Variants in MRPL38 observed in about 807,000 individuals in gnomAD.
MRPL38 encodes large ribosomal subunit protein mL38.
MRPL38 carries 51 observed loss-of-function variants against 52.1 expected under a neutral mutation model. That is an observed-to-expected ratio of 0.98 (90% CI 0.78 to 1.24). The LOEUF is 1.24. Among genes scored for constraint, MRPL38 ranks in the 50% most tolerant of loss-of-function variants. MRPL38 has a pLI of 0.00. For synonymous variants in MRPL38, 245 were observed against 212.7 expected, an observed-to-expected ratio of 1.15 and a Z score of -1.32; for missense variants, 527 against 518.6, an observed-to-expected ratio of 1.02 and a Z score of -0.16.
At chr17:75,904,750 GCC>G in intron 1 of MRPL38, 31 bp from the exon 2 acceptor site, 1 of 1,312,724 alleles carries the variant, frequency 7.6e-7, no homozygotes, top group Non-Finnish European at 1.0e-6. Flanking sequence ...TAAGGCCGGC[GCC>G]CCACAGCTCG....
In MRPL38 at chr17:75,898,963, A is replaced by T; in HGVS notation, c.1030T>A (p.Phe344Ile). Reference sequence around the variant, plus strand: ...GGGTGGTAAGGGGGCGGCCGCACGAACTCAAACACCGGCTCCCGCATGTCT... The same window carrying T: ...GGGTGGTAAGGGGGCGGCCGCACGATCTCAAACACCGGCTCCCGCATGTCT... ...LLDMREPVFE[F>I]VRPPPYHPKQ... The change falls in exon 9 of 9, where the codon TTC becomes ATC. Residue 344 changes from phenylalanine to isoleucine, a missense_variant. Physicochemically the swap from Phe to Ile is conservative, Grantham distance 21. Transcript: ENST00000309352. 1 of 1,603,084 alleles carries T rather than the reference A, an allele frequency of 6.2e-7. No individual in the cohort carries two copies. The highest frequency in any genetic ancestry group is 1.1e-5 in the South Asian group (1 of 90,626).
chr17:75,903,287 T>C (rs2065413147), intron 2 of MRPL38, among the ~76,000 whole-genome samples: 1 of 152,208 alleles, frequency 6.6e-6, no homozygotes, highest in Admixed American at 6.5e-5. Context: ...CGCATGCCTG[T>C]AGTGTCAGCT....
rs1346248929 is a variant in MRPL38, at chr17:75,901,104, G to A, written c.665-77C>T. 8 of 1,592,296 alleles carry A rather than the reference G, an allele frequency of 5.0e-6. No individual in the cohort carries two copies. Among genetic ancestry groups the A allele is most frequent in the Middle Eastern group, 1.7e-4 (1 of 6,054 alleles). On this transcript the variant is annotated intron_variant, in intron 5 of 8. Transcript: ENST00000309352. This position sits in a 1 kb window ranked among gnomAD's most constrained non-coding sequence, Gnocchi z 5.7. ...ACCCCCTCCCTTGTTAGGAGCCAGC[G>A]CTGGAGATCTCCACCTGGCCCCTCC... is the stretch of plus-strand genomic sequence containing the variant.
At chr17:75,903,002 A>G (rs2065411850) in intron 2 of MRPL38, among the ~76,000 whole-genome samples, 1 of 152,182 alleles carries the variant, frequency 6.6e-6, no homozygotes, top group Non-Finnish European at 1.5e-5. Flanking sequence ...GGGAAACTGA[A>G]GTCAATGGTC....
In MRPL38 at chr17:75,901,264, C is replaced by T. The variant is rs748829088; in HGVS notation, c.601G>A (p.Ala201Thr). 1.9e-6 allele frequency: 3 copies of T among 1,613,224 alleles called. No individual in the cohort carries two copies. Among genetic ancestry groups the T allele is most frequent in the Non-Finnish European group, 2.5e-6 (3 of 1,179,738 alleles). ...NEVTPTEAAQ[A>T]PEVTYEAEEG... is the part of the protein sequence containing the mutation. Reference sequence around the variant, plus strand: ...TCTGCCTCATAGGTCACCTCTGGCGCTTGGGCAGCCTGGCAGGGTGAGAAG... The same window carrying T: ...TCTGCCTCATAGGTCACCTCTGGCGTTTGGGCAGCCTGGCAGGGTGAGAAG... The change falls in exon 5 of 9, where the codon GCG becomes ACG. Residue 201 changes from alanine (A) to threonine (T), a missense_variant. By Grantham distance (58) the Ala-to-Thr change is moderately conservative. Transcript: ENST00000309352. The surrounding 1 kb of genome is among the most constrained non-coding windows in gnomAD (Gnocchi z 5.7).
intron 2 of MRPL38, among the ~76,000 whole-genome samples, chr17:75,902,555 G>A (rs562808351): frequency 4.2e-4 from 64 of 152,146 alleles, no homozygotes; most frequent in Non-Finnish European, 7.9e-4. Flanking sequence ...TGAGGGGGCG[G>A]GCACATCTTC....
chr17:75,898,711 C>T lies in MRPL38; in HGVS notation c.*139G>A. The T allele has an allele frequency of 2.0e-6, 2 of 977,792 alleles. No individual in the cohort carries two copies. Among genetic ancestry groups the T allele is most frequent in the Non-Finnish European group, 3.0e-6 (2 of 660,276 alleles). The allele number at this position is 977,792 out of a possible 1,614,324, so 60.6% of individuals were successfully genotyped here. On this transcript the variant is annotated 3_prime_UTR_variant, in exon 9 of 9. Coordinates refer to ENST00000309352, the MANE Select transcript of MRPL38 (RefSeq NM_032478.4). Reference sequence around the variant, plus strand: ...CCTGAGAGTCACTTTCACTCCAAGCCCTGGGCCTGACGGGAGGGGGCCAAA... The same window carrying T: ...CCTGAGAGTCACTTTCACTCCAAGCTCTGGGCCTGACGGGAGGGGGCCAAA...
chr17:75,900,548 TG>T lies in MRPL38; in HGVS notation c.710+433del, dbSNP rs564072175. The T allele has an allele frequency of 5.5e-5, 9 of 164,904 alleles. No individual in the cohort carries two copies. In the East Asian group the frequency reaches 1.6e-3, roughly 30 times the overall value. 10.2% of individuals were successfully genotyped at this position (164,904 alleles called of 1,614,324 possible). On this transcript the variant is annotated intron_variant, in intron 6 of 8. Coordinates refer to ENST00000309352, the MANE Select transcript of MRPL38 (RefSeq NM_032478.4). ...CAGCCTGGGCAACATGGTGAAACCC[TG>T]TCTCTATAAAAAAATACAAAAATTA...
chr17:75,902,258 C>A lies in MRPL38; in HGVS notation c.248-104G>T, dbSNP rs1599473880. The A allele has an allele frequency of 3.1e-6, 4 of 1,273,776 alleles. No individual in the cohort carries two copies. The East Asian group carries it at 1.0e-4, about 33-fold the overall frequency. The allele number at this position is 1,273,776 out of a possible 1,614,324, so 78.9% of individuals were successfully genotyped here. ...AGCTGGGGCTACAAGTGTACACCAT[C>A]TCATCTGGCTAATTTTTGTATTTTT... On this transcript the variant is annotated intron_variant, in intron 2 of 8. Transcript: ENST00000309352.
At chr17:75,900,780 C>T (rs1166945943) in intron 6 of MRPL38, 1 of 1,404,724 alleles carries the variant, frequency 7.1e-7, no homozygotes, top group Non-Finnish European at 9.2e-7. Flanking sequence ...TGACCGAGGC[C>T]TACTGCAAAC....
chr17:75,899,342 G>A, intron 7 of MRPL38, 48 bp from the exon 8 acceptor site: 1 of 1,594,906 alleles, frequency 6.3e-7, no homozygotes, highest in South Asian at 1.1e-5. Flanking sequence ...GGGCACCAGA[G>A]CCCCTCACCC....
chr17:75,902,883 G>C (rs560477002), intron 2 of MRPL38, among the ~76,000 whole-genome samples: 18 of 152,114 alleles, frequency 1.2e-4, no homozygotes, highest in Non-Finnish European at 2.4e-4. Flanking sequence ...CACCATGCCC[G>C]ACTAATTTTT....
Position 75,904,584 on chromosome 17 carries a change from G to C in MRPL38, c.203C>G (p.Pro68Arg). The change falls in exon 2 of 9, where the codon CCG becomes CGG. Residue 68 changes from proline (P) to arginine (R), a missense_variant. Pro to Arg is a moderately radical substitution (Grantham distance 103). Transcript: ENST00000309352. ...CTCTCGGTAGGTCCGCCACCAGTGC[G>C]GGGCCTGCGCCTCCTGCTCTGCTCG... is the stretch of plus-strand genomic sequence containing the variant. ...RRRAEQEAQAPHWWRTYREYF... is the reference protein window; with the variant it reads ...RRRAEQEAQARHWWRTYREYF... 6.3e-7 allele frequency: 1 copy of C among 1,584,474 alleles called. No individual in the cohort carries two copies. Among genetic ancestry groups the C allele is most frequent in the South Asian group, 1.1e-5 (1 of 88,806 alleles).
In MRPL38 at chr17:75,901,470, G is replaced by T; in HGVS notation, c.592-197C>A. On this transcript the variant is annotated intron_variant, in intron 4 of 8. Coordinates refer to ENST00000309352, the MANE Select transcript of MRPL38 (RefSeq NM_032478.4). This position sits in a 1 kb window ranked among gnomAD's most constrained non-coding sequence, Gnocchi z 5.7. ...GCAACAACCACAAAAACGAACATGT[G>T]CCAAGGCCGGGCCAGGAGGGCACAC... The T allele has an allele frequency of 1.5e-6, 1 of 679,974 alleles. No homozygotes were observed. The allele number at this position is 679,974 out of a possible 1,614,324, so 42.1% of individuals were successfully genotyped here. A position where few individuals can be genotyped will look rare whatever the true frequency, so the allele number is the denominator to read the frequency against.
intron 2 of MRPL38, among the ~76,000 whole-genome samples, chr17:75,903,415 C>G (rs1274779256): frequency 5.3e-5 from 8 of 152,130 alleles, no homozygotes. Context: ...TAAAACAAAA[C>G]AAAACAAAAT....
In MRPL38 at chr17:75,898,823, G is replaced by A. The variant is rs1277183281; in HGVS notation, c.*27C>T. 1 of 1,610,602 alleles carries A rather than the reference G, an allele frequency of 6.2e-7. No individual in the cohort carries two copies. The highest frequency in any genetic ancestry group is 8.5e-7 in the Non-Finnish European group (1 of 1,179,052). ...TACTCTTGCTGCCGATCAATCCCAT[G>A]CTCTGAAATGCGCACACTCTGGCTC... On this transcript the variant is annotated 3_prime_UTR_variant, in exon 9 of 9. Coordinates refer to ENST00000309352, the MANE Select transcript of MRPL38 (RefSeq NM_032478.4).
Position 75,901,650 on chromosome 17 carries a change from CTG to C in MRPL38, c.591+60_591+61del. On this transcript the variant is annotated intron_variant, in intron 4 of 8. Coordinates refer to ENST00000309352, the MANE Select transcript of MRPL38 (RefSeq NM_032478.4). This position sits in a 1 kb window ranked among gnomAD's most constrained non-coding sequence, Gnocchi z 5.7. ...TCCAAACCCAGGAGTGTCTGTGACA[CTG>C]AGATGGGATGTGTCTGTGTTTGCAC... The C allele has an allele frequency of 6.9e-7, 1 of 1,439,324 alleles. No individual in the cohort carries two copies. Among genetic ancestry groups the C allele is most frequent in the African/African-American group, 1.4e-5 (1 of 71,600 alleles). The allele number at this position is 1,439,324 out of a possible 1,614,324, so 89.2% of individuals were successfully genotyped here.
intron 2 of MRPL38, among the ~76,000 whole-genome samples, chr17:75,902,683 T>G (rs183214552): frequency 1.3e-5 from 2 of 152,316 alleles, no homozygotes; most frequent in East Asian, 3.9e-4. Flanking sequence ...TTCCCAGACC[T>G]GAATAGGATG....
Position 75,898,998 on chromosome 17 carries a change from G to T in MRPL38, c.1007-12C>A. The T allele has an allele frequency of 6.3e-7, 1 of 1,588,578 alleles. No individual in the cohort carries two copies. The highest frequency in any genetic ancestry group is 8.6e-7 in the Non-Finnish European group (1 of 1,168,646). On this transcript the variant is annotated splice_polypyrimidine_tract_variant and intron_variant, in intron 8 of 8. Transcript: ENST00000309352. ...CGGCTCCCGCATGTCTGCAAGAAGA[G>T]TGAGGGGTACGGGGTGGTCTGCTGG...
Sources: allele counts gnomAD v4.1 joint callset (sites outside exome capture counted in the v4.1 genomes callset), GRCh38; gene constraint gnomAD v4.1.1; non-coding constraint Gnocchi (gnomAD v3.1); transcripts MANE v1.5; gene names NCBI Gene and HGNC (gene_info 2026-07-23, HGNC 2026-07-21).